Variants in ERC2 observed in about 807,000 individuals in gnomAD.
The protein encoded by ERC2 is ELKS/RAB6-interacting/CAST family member 2.
In ERC2, 42 loss-of-function variants were observed where a neutral mutation model predicts 114.8. The ratio of observed to expected loss-of-function variants is 0.37; its 90% CI spans 0.29 to 0.47. The LOEUF is 0.47. ERC2 is among the 20% of genes least tolerant of loss of function. The pLI, the probability that ERC2 is intolerant of heterozygous loss-of-function variation, is 0.99. For missense variants in ERC2, 939 were observed against 1,150.7 expected, an observed-to-expected ratio of 0.82 and a Z score of 2.66; for synonymous variants, 454 against 425.5, an observed-to-expected ratio of 1.07 and a Z score of -0.82.
rs530123478 is a variant in ERC2, at chr3:55,596,511, C to T, written c.*40-85235G>A. Among the ~76,000 whole-genome samples the T allele has an allele frequency of 3.3e-5, 5 of 152,190 alleles. No homozygotes were observed. The South Asian group carries it at 1.0e-3, about 32-fold the overall frequency. ...AGAGGATCACTTGAGCCCAGGAGTT[C>T]AAGGTTACAGCGAGCTGTGATTATG... On this transcript the variant is annotated intron_variant, in intron 17 of 17. Transcript: ENST00000288221.
Position 56,434,971 on chromosome 3 carries a change from C to T in ERC2, c.37G>A (p.Gly13Ser), listed in dbSNP as rs760304829. 2.4e-5 allele frequency: 39 copies of T among 1,612,502 alleles called. No homozygotes were observed. Among genetic ancestry groups the T allele is most frequent in the Admixed American group, 5.0e-5 (3 of 59,938 alleles). The change falls in exon 2 of 18, where the codon GGT (glycine) becomes AGT (serine). Residue 13 changes from glycine to serine, a missense_variant. Physicochemically the swap from Gly to Ser is moderately conservative, Grantham distance 56. Transcript: ENST00000288221. ...AAACGAGGGGATCTGGAAGGGCTAC[C>T]TTCCAGATTGGTGATTGTTCTTGCA... ...GSARTITNLE[G>S]SPSRSPRLPR... is the part of the protein sequence containing the mutation.
chr3:55,739,112 C>G (rs968661163), intron 14 of ERC2, among the ~76,000 whole-genome samples: 2 of 152,106 alleles, frequency 1.3e-5, no homozygotes, highest in Non-Finnish European at 2.9e-5. Context: ...TGGCTGCATA[C>G]TATTCCATGG....
intron 13 of ERC2, among the ~76,000 whole-genome samples, chr3:55,901,428 T>C (rs74828323): frequency 0.034 from 5,240 of 152,158 alleles, 325 homozygotes; most frequent in African/African-American, 0.12. Context: ...GCTCATGGAG[T>C]TGAAAGATTA....
chr3:55,679,153 C>A (rs527469649), intron 17 of ERC2, among the ~76,000 whole-genome samples: 1 of 152,258 alleles, frequency 6.6e-6, no homozygotes, highest in South Asian at 2.1e-4. Context: ...CATAAAAGGC[C>A]CTACGTTTTC....
intron 17 of ERC2, among the ~76,000 whole-genome samples, chr3:55,618,318 G>A (rs2059202147): frequency 6.6e-6 from 1 of 152,124 alleles, no homozygotes; most frequent in Admixed American, 6.5e-5. Context: ...CATCACCTCT[G>A]GGAGGCCATT....
chr3:56,346,234 G>C (rs1307371604), intron 2 of ERC2, among the ~76,000 whole-genome samples: 1 of 152,160 alleles, frequency 6.6e-6, no homozygotes, highest in Non-Finnish European at 1.5e-5. Flanking sequence ...CACATTTTTA[G>C]AGACTAAAAT....
At chr3:55,554,699 C>T (rs1401359660) in intron 17 of ERC2, among the ~76,000 whole-genome samples, 2 of 152,350 alleles carry the variant, frequency 1.3e-5, no homozygotes, top group South Asian at 2.1e-4. Context: ...TCCCAGGGGG[C>T]TGGGTTCCCA....
chr3:56,264,767 TA>T (rs1161008780), intron 3 of ERC2, among the ~76,000 whole-genome samples: 1 of 111,306 alleles, frequency 9.0e-6, no homozygotes, highest in African/African-American at 3.4e-5. Context: ...AGTTGCAAGA[TA>T]AAAAAAATCA....
chr3:55,589,168 A>G (rs2057743257), intron 17 of ERC2, among the ~76,000 whole-genome samples: 1 of 144,284 alleles, frequency 6.9e-6, no homozygotes, highest in Non-Finnish European at 1.5e-5. Context: ...TGCTTGAGCC[A>G]GGAGTTTGAG....
intron 2 of ERC2, among the ~76,000 whole-genome samples, chr3:56,296,746 G>T (rs1055394575): frequency 6.6e-6 from 1 of 152,114 alleles, no homozygotes; most frequent in Admixed American, 6.5e-5. Context: ...AAATGGAAAA[G>T]GTTAGAAGGA....
chr3:56,206,949 T>G (rs10510784), intron 3 of ERC2, among the ~76,000 whole-genome samples: 75,839 of 152,134 alleles, frequency 0.5, 19,258 homozygotes, highest in East Asian at 0.73. Flanking sequence ...AATATATAAT[T>G]TCTCCCATAA....
intron 4 of ERC2, among the ~76,000 whole-genome samples, chr3:56,159,482 C>T (rs1420285654): frequency 6.6e-6 from 1 of 152,104 alleles, no homozygotes; most frequent in African/African-American, 2.4e-5. Flanking sequence ...TTTAAAAATA[C>T]ATTTCATAGT....
intron 3 of ERC2, among the ~76,000 whole-genome samples, chr3:56,284,833 C>T (rs1358759751): frequency 2.0e-5 from 3 of 152,020 alleles, no homozygotes; most frequent in Non-Finnish European, 2.9e-5. Flanking sequence ...CCCCCAACCC[C>T]TCCTTTAGAT....
intron 2 of ERC2, among the ~76,000 whole-genome samples, chr3:56,428,619 T>C (rs149346550): frequency 3.3e-5 from 5 of 151,894 alleles, no homozygotes; most frequent in African/African-American, 1.2e-4. Flanking sequence ...AAAGCAGTAA[T>C]AATAAAGGAA....
chr3:55,604,039 C>G (rs2058534400), intron 17 of ERC2, among the ~76,000 whole-genome samples: 1 of 152,152 alleles, frequency 6.6e-6, no homozygotes, highest in African/African-American at 2.4e-5. Flanking sequence ...GGCTGACTCT[C>G]AGAGAGAGAA....
At chr3:56,387,259 A>G (rs1437090147) in intron 2 of ERC2, among the ~76,000 whole-genome samples, 1 of 152,190 alleles carries the variant, frequency 6.6e-6, no homozygotes, top group Non-Finnish European at 1.5e-5. Context: ...GTGTTTAACC[A>G]ATTTGTTATT....
chr3:56,195,276 C>T (rs1575774559), intron 3 of ERC2, among the ~76,000 whole-genome samples: 1 of 152,116 alleles, frequency 6.6e-6, no homozygotes, highest in South Asian at 2.1e-4. Flanking sequence ...GGAAGATTCA[C>T]GTCTTAGGTG....
intron 14 of ERC2, among the ~76,000 whole-genome samples, chr3:55,876,646 C>T (rs965610732): frequency 2.6e-5 from 4 of 152,188 alleles, no homozygotes; most frequent in Non-Finnish European, 5.9e-5. Context: ...ATTTCACACT[C>T]TCAATTTATA....
At chr3:55,808,012 C>T (rs1167081797) in intron 14 of ERC2, among the ~76,000 whole-genome samples, 1 of 152,192 alleles carries the variant, frequency 6.6e-6, no homozygotes, top group Non-Finnish European at 1.5e-5. Flanking sequence ...ACTCATTCCC[C>T]ATCCAGCTGA....
Sources: allele counts gnomAD v4.1 joint callset (sites outside exome capture counted in the v4.1 genomes callset), GRCh38; gene constraint gnomAD v4.1.1; transcripts MANE v1.5; gene names NCBI Gene and HGNC (gene_info 2026-07-23, HGNC 2026-07-21).